Variants in SACS observed in about 807,000 individuals in gnomAD.
The protein encoded by SACS is sacsin molecular chaperone.
In SACS, 197 loss-of-function variants were observed where a neutral mutation model predicts 348.0. That is an observed-to-expected ratio of 0.57 (90% CI 0.50 to 0.64). The LOEUF is 0.64. Ranked by LOEUF, SACS falls within the 30% of genes least tolerant of loss-of-function variation. The probability of loss-of-function intolerance (pLI) is 0.00; values close to 1 mark genes in which losing one functional copy is unlikely to be tolerated. For synonymous variants in SACS, 1,985 were observed against 1,910.6 expected (o/e 1.04, Z -1.02); for missense variants, 4,999 against 5,360.8 (o/e 0.93, Z 2.11).
intron 2 of SACS, among the ~76,000 whole-genome samples, chr13:23,376,370 A>G (rs1415929770): frequency 6.6e-6 from 1 of 151,872 alleles, no homozygotes; most frequent in Non-Finnish European, 1.5e-5. Context: ...TCTCTTAGGT[A>G]TATATGATAC....
At chr13:23,405,022 C>T (rs997708776) in intron 2 of SACS, among the ~76,000 whole-genome samples, 1 of 152,162 alleles carries the variant, frequency 6.6e-6, no homozygotes, top group East Asian at 1.9e-4. Context: ...CTCCATCAAG[C>T]TACCATTGAT....
At chr13:23,380,104 G>A (rs1642592904) in intron 2 of SACS, among the ~76,000 whole-genome samples, 1 of 146,590 alleles carries the variant, frequency 6.8e-6, no homozygotes, top group Admixed American at 6.8e-5. Context: ...TCACCCCACA[G>A]TGGCCCTGGG....
chr13:23,333,610 G>A lies in SACS; in HGVS notation c.10266C>T (p.Ser3422=). 6.2e-7 allele frequency: 1 copy of A among 1,613,730 alleles called. No individual in the cohort carries two copies. The highest frequency in any genetic ancestry group is 8.5e-7 in the Non-Finnish European group (1 of 1,179,760). The change falls in exon 10 of 10, where the codon AGC becomes AGT. Residue 3422 remains serine (S), a synonymous_variant. Transcript: ENST00000382292. ...CYKSISGRYV[S]IGKFGTCYVL... is the part of the protein sequence containing the mutation. ...CGTAGCATGTTCCAAATTTTCCAAT[G>A]CTTACATAGCGGCCACTGATGGATT...
chr13:23,381,362 C>G (rs1028217597), intron 2 of SACS, among the ~76,000 whole-genome samples: 4 of 128,810 alleles, frequency 3.1e-5, no homozygotes, highest in African/African-American at 1.0e-4. Context: ...GAAGCACACA[C>G]ACACACACAC....
chr13:23,393,995 C>G (rs1414847582), intron 2 of SACS, among the ~76,000 whole-genome samples: 1 of 152,162 alleles, frequency 6.6e-6, no homozygotes, highest in Non-Finnish European at 1.5e-5. Context: ...CTCCTGACCT[C>G]GTGATCTGCC....
Position 23,338,195 on chromosome 13 carries a change from G to T in SACS, c.5681C>A (p.Ser1894Ter), listed in dbSNP as rs1357839393. The stretch of plus-strand genomic sequence containing the variant: ...TGTTTTCCAGATTTCTTTCCTATTT[G>T]ATGTAACAGCAAAGCACCCATTGAT... ...VHINGCFAVT[S>*]NRKEIWKTDT... is the part of the protein sequence containing the mutation. Residue 1894 changes from serine to a stop codon, truncating the protein, a stop_gained, in exon 10 of 10, where the codon TCA becomes TAA. Coordinates refer to ENST00000382292, the MANE Select transcript of SACS (RefSeq NM_014363.6). LOFTEE classifies it high-confidence loss of function. 2 of 1,614,026 alleles carry T rather than the reference G, an allele frequency of 1.2e-6. No individual in the cohort carries two copies. The highest frequency in any genetic ancestry group is 1.7e-6 in the Non-Finnish European group (2 of 1,179,984).
At chr13:23,349,991 G>A (rs1203625466) in intron 9 of SACS, among the ~76,000 whole-genome samples, 1 of 152,178 alleles carries the variant, frequency 6.6e-6, no homozygotes, top group Admixed American at 6.5e-5. Context: ...TAAAAGAGCT[G>A]AGGAAGGAGC....
At chr13:23,353,608 A>G in intron 9 of SACS, 177 bp downstream of exon 9, 1 of 576,142 alleles carries the variant, frequency 1.7e-6, no homozygotes. Context: ...GGATTCTTTT[A>G]GACAGCATCT....
chr13:23,390,665 A>G (rs1157568884), intron 2 of SACS, among the ~76,000 whole-genome samples: 1 of 152,216 alleles, frequency 6.6e-6, no homozygotes, highest in Non-Finnish European at 1.5e-5. Context: ...TTGTCTCAGA[A>G]AAATAAATAA....
At chr13:23,342,095 A>G (rs1869295983) in intron 9 of SACS, among the ~76,000 whole-genome samples, 1 of 152,140 alleles carries the variant, frequency 6.6e-6, no homozygotes, top group South Asian at 2.1e-4. Context: ...CCAGTACTGG[A>G]AAATTTTCTA....
At chr13:23,374,787 T>G (rs1204547188) in intron 3 of SACS, among the ~76,000 whole-genome samples, 1 of 152,184 alleles carries the variant, frequency 6.6e-6, no homozygotes, top group Non-Finnish European at 1.5e-5. Flanking sequence ...CTACTTAAAC[T>G]TATTACATAA....
chr13:23,417,795 G>A (rs1427151618), intron 1 of SACS, among the ~76,000 whole-genome samples: 1 of 152,072 alleles, frequency 6.6e-6, no homozygotes, highest in East Asian at 1.9e-4. Context: ...AAGGCCGGGT[G>A]CGGTGGCTCA....
Position 23,335,596 on chromosome 13 carries a change from A to AT in SACS, c.8279dup (p.Asn2760LysfsTer27), listed in dbSNP as rs757465370. 6.2e-7 allele frequency: 1 copy of AT among 1,613,894 alleles called. No individual in the cohort carries two copies. The highest frequency in any genetic ancestry group is 8.5e-7 in the Non-Finnish European group (1 of 1,179,894). On this transcript the variant is annotated frameshift_variant, in exon 10 of 10. Coordinates refer to ENST00000382292, the MANE Select transcript of SACS (RefSeq NM_014363.6). LOFTEE classifies it high-confidence loss of function. This position sits in a 1 kb window ranked among gnomAD's most constrained non-coding sequence, Gnocchi z 4.7. ...TTTTGCCCTTTACTGAATACAGCACATTTAGAGCTCCAGTACTCTTATCTA... is the reference window on the plus strand; with the variant it reads ...TTTTGCCCTTTACTGAATACAGCACATTTTAGAGCTCCAGTACTCTTATCTA...
At chr13:23,367,660 T>A (rs1871140210) in intron 5 of SACS, among the ~76,000 whole-genome samples, 1 of 152,204 alleles carries the variant, frequency 6.6e-6, no homozygotes, top group African/African-American at 2.4e-5. Context: ...AGTGGCGCAA[T>A]CTCGGCTCAC....
In SACS at chr13:23,421,719, T is replaced by TGC. The variant is rs1324168944; in HGVS notation, c.-501-9981_-501-9980dup. Among the ~76,000 whole-genome samples the TGC allele has an allele frequency of 2.0e-5, 3 of 151,964 alleles. No homozygotes were observed. The East Asian group carries it at 5.8e-4, about 29-fold the overall frequency. On this transcript the variant is annotated intron_variant, in intron 1 of 9. Coordinates refer to ENST00000382292, the MANE Select transcript of SACS (RefSeq NM_014363.6). ...TCCACATGGGAACTGGGCATCCACCTGCGGCCTGATGTCCACTGGGAACTG... is the reference window on the plus strand; with the variant it reads ...TCCACATGGGAACTGGGCATCCACCTGCGCGGCCTGATGTCCACTGGGAACTG...
At chr13:23,365,588 G>C (rs971834053) in intron 5 of SACS, among the ~76,000 whole-genome samples, 25 of 152,220 alleles carry the variant, frequency 1.6e-4, no homozygotes, top group African/African-American at 6.0e-4. Context: ...CAAAGCTTTT[G>C]TTCAAAGGAA....
At position 23,339,122 on chromosome 13, in the gene SACS, A is replaced by G; in HGVS notation, c.4754T>C (p.Ile1585Thr). ...TTTAATGTGTTTACTGATATGATTTATGTTTGGATCGAACATTATCATGAA... is the reference window on the plus strand; with the variant it reads ...TTTAATGTGTTTACTGATATGATTTGTGTTTGGATCGAACATTATCATGAA... ...REFMIMFDPN[I>T]NHISKHIKDK... is the part of the protein sequence containing the mutation. Residue 1585 changes from isoleucine to threonine, a missense_variant, in exon 10 of 10, where the codon ATA becomes ACA. Transcript: ENST00000382292. 6.2e-7 allele frequency: 1 copy of G among 1,610,926 alleles called. No individual in the cohort carries two copies.
At chr13:23,403,639 CCTTT>C (rs1873078666) in intron 2 of SACS, among the ~76,000 whole-genome samples, 1 of 152,084 alleles carries the variant, frequency 6.6e-6, no homozygotes, top group African/African-American at 2.4e-5. Flanking sequence ...ATTCTTCTCT[CCTTT>C]CTTTATTAGT....
Position 23,336,202 on chromosome 13 carries a change from C to T in SACS, c.7674G>A (p.Ala2558=), listed in dbSNP as rs983508748. Residue 2558 remains alanine (A), a synonymous_variant, in exon 10 of 10, where the codon GCG becomes GCA. Transcript: ENST00000382292. ...GATCAAACACAAAACAGATTTCTGTCGCCTTTGCATCATCAGCATTTTGAA... is the reference window on the plus strand; with the variant it reads ...GATCAAACACAAAACAGATTTCTGTTGCCTTTGCATCATCAGCATTTTGAA... ...ELLQNADDAK[A]TEICFVFDPR... 5.6e-6 allele frequency: 9 copies of T among 1,613,904 alleles called. No homozygotes were observed. The highest frequency in any genetic ancestry group is 5.3e-5 in the African/African-American group (4 of 74,906).
Sources: gnomAD v4.1 joint callset for allele counts (sites outside exome capture counted in the v4.1 genomes callset) on GRCh38, gnomAD v4.1.1 for gene constraint, Gnocchi (gnomAD v3.1) non-coding constraint, MANE v1.5 for transcripts, NCBI Gene and HGNC (gene_info 2026-07-23, HGNC 2026-07-21) for gene names.